The following ITPR2 variants were observed in gnomAD, a reference collection of about 807,000 sequenced individuals.
ITPR2 encodes the protein inositol 1,4,5-trisphosphate-gated calcium channel ITPR2.
In ITPR2, 207 loss-of-function variants were observed where a neutral mutation model predicts 317.1. The observed-to-expected ratio is 0.65, with a 90% confidence interval of 0.58 to 0.73. The LOEUF (loss-of-function observed/expected upper bound fraction) is 0.73, where lower values mean the gene tolerates loss of function less well. ITPR2 is among the 30% of genes least tolerant of loss of function. The pLI is 0.00. For missense variants in ITPR2, 2,613 were observed against 3,284.0 expected, an observed-to-expected ratio of 0.80 and a Z score of 4.99; for synonymous variants, 1,156 against 1,149.1, an observed-to-expected ratio of 1.01 and a Z score of -0.12.
At chr12:26,779,252 ATAAC>A (rs1227351864) in intron 2 of ITPR2, among the ~76,000 whole-genome samples, 3 of 152,328 alleles carry the variant, frequency 2.0e-5, no homozygotes, top group Admixed American at 2.0e-4. Context: ...TCTTCTGCAG[ATAAC>A]TACTCTCCTT....
intron 24 of ITPR2, among the ~76,000 whole-genome samples, 194 bp downstream of exon 24, chr12:26,624,105 T>C (rs1355218621): frequency 6.6e-6 from 1 of 152,194 alleles, no homozygotes; most frequent in African/African-American, 2.4e-5. Flanking sequence ...TCCTTTTTTT[T>C]ACCTGACCTA....
intron 1 of ITPR2, among the ~76,000 whole-genome samples, chr12:26,812,962 A>T (rs1462209472): frequency 6.6e-6 from 1 of 152,258 alleles, no homozygotes; most frequent in African/African-American, 2.4e-5. Flanking sequence ...CGTCTTCAAT[A>T]GTACAACATG....
chr12:26,682,453 G>T (rs930009791), intron 12 of ITPR2, 121 bp downstream of exon 12: 13 of 655,860 alleles, frequency 2.0e-5, no homozygotes, highest in Non-Finnish European at 3.4e-5. Context: ...GAAATTAATT[G>T]CAATGATCTG....
intron 31 of ITPR2, 139 bp downstream of exon 31, chr12:26,596,744 A>T (rs1945856957): frequency 1.7e-6 from 1 of 598,076 alleles, no homozygotes; most frequent in Non-Finnish European, 2.5e-6. Context: ...CATTTTCCAA[A>T]TTATATAGTT....
intron 39 of ITPR2, among the ~76,000 whole-genome samples, chr12:26,488,464 G>GT (rs1483956343): frequency 6.6e-6 from 1 of 151,984 alleles, no homozygotes; most frequent in African/African-American, 2.4e-5. Flanking sequence ...TCTTGAAATG[G>GT]TTGCCTACTC....
chr12:26,471,591 C>T (rs1392157987), intron 45 of ITPR2, among the ~76,000 whole-genome samples: 1 of 152,040 alleles, frequency 6.6e-6, no homozygotes, highest in Non-Finnish European at 1.5e-5. Flanking sequence ...CTTGTAACAC[C>T]AACCACAGGA....
chr12:26,775,251 AT>A (rs1949938742), intron 2 of ITPR2, among the ~76,000 whole-genome samples: 1 of 152,216 alleles, frequency 6.6e-6, no homozygotes. Flanking sequence ...AACTTTACAA[AT>A]TTCAAGATGT....
chr12:26,595,367 A>G, intron 32 of ITPR2, 98 bp downstream of exon 32: 5 of 1,130,280 alleles, frequency 4.4e-6, no homozygotes, highest in Middle Eastern at 2.0e-4. Context: ...CAACAAATCA[A>G]AAGGTAGTGA....
At chr12:26,567,123 A>T (rs1482315616) in intron 34 of ITPR2, among the ~76,000 whole-genome samples, 1 of 152,218 alleles carries the variant, frequency 6.6e-6, no homozygotes, top group African/African-American at 2.4e-5. Context: ...GCCCTTTAGG[A>T]ATCAGGTACA....
intron 49 of ITPR2, among the ~76,000 whole-genome samples, chr12:26,421,716 C>T (rs1940898515): frequency 8.1e-6 from 1 of 123,654 alleles, no homozygotes; most frequent in South Asian, 2.5e-4. Flanking sequence ...GGAAACTGGG[C>T]AAGATGGTCA....
At chr12:26,810,556 C>T (rs950707828) in intron 1 of ITPR2, among the ~76,000 whole-genome samples, 4 of 152,216 alleles carry the variant, frequency 2.6e-5, no homozygotes, top group African/African-American at 7.2e-5. Context: ...CCAGGGCTGT[C>T]GCTGGGCCAG....
chr12:26,784,523 T>C (rs1950174037), intron 2 of ITPR2, among the ~76,000 whole-genome samples: 1 of 151,252 alleles, frequency 6.6e-6, no homozygotes, highest in Non-Finnish European at 1.5e-5. Flanking sequence ...GGTTTTTTTT[T>C]GGTGGAGACG....
chr12:26,663,018 CT>C (rs1381520371), intron 15 of ITPR2, among the ~76,000 whole-genome samples: 1 of 152,126 alleles, frequency 6.6e-6, no homozygotes, highest in African/African-American at 2.4e-5. Flanking sequence ...TCACTTGCAA[CT>C]GGCAACTGTT....
At chr12:26,401,464 A>G (rs2136652723) in intron 52 of ITPR2, among the ~76,000 whole-genome samples, 1 of 152,310 alleles carries the variant, frequency 6.6e-6, no homozygotes, top group South Asian at 2.1e-4. Context: ...TGACAGAAAA[A>G]TTCCTATTCT....
chr12:26,726,491 G>T lies in ITPR2; in HGVS notation c.164-726C>A, dbSNP rs532104539. Reference sequence around the variant, plus strand: ...AATGATTTTGTATGCTTGTGGAATAGATTACAATCTAGAATAAAGGTAAAT... The same window carrying T: ...AATGATTTTGTATGCTTGTGGAATATATTACAATCTAGAATAAAGGTAAAT... On this transcript the variant is annotated intron_variant, in intron 2 of 56. Coordinates refer to ENST00000381340, the MANE Select transcript of ITPR2 (RefSeq NM_002223.4). Among the ~76,000 whole-genome samples, 195 of 152,264 alleles carry T rather than the reference G, an allele frequency of 1.3e-3. 1 individual carries two copies. The highest frequency in any genetic ancestry group is 4.5e-3 in the African/African-American group (188 of 41,572).
chr12:26,829,936 C>T (rs545194964), intron 1 of ITPR2, among the ~76,000 whole-genome samples: 1 of 152,324 alleles, frequency 6.6e-6, no homozygotes, highest in African/African-American at 2.4e-5. Flanking sequence ...CAGAGTCTCG[C>T]TCTGTCCCCC....
intron 10 of ITPR2, among the ~76,000 whole-genome samples, chr12:26,690,498 C>T (rs1323591625): frequency 6.6e-6 from 1 of 152,152 alleles, no homozygotes; most frequent in Non-Finnish European, 1.5e-5. Context: ...CCAATTGAGC[C>T]AAATATTTAG....
chr12:26,708,669 GGAGTAA>G (rs1271977910), intron 9 of ITPR2, among the ~76,000 whole-genome samples: 1 of 152,088 alleles, frequency 6.6e-6, no homozygotes, highest in Non-Finnish European at 1.5e-5. Context: ...TTCGACAGAA[GGAGTAA>G]GATCTAGAAT....
intron 2 of ITPR2, among the ~76,000 whole-genome samples, chr12:26,768,571 TAAAA>T (rs879291062): frequency 1.0e-5 from 1 of 96,188 alleles, no homozygotes; most frequent in East Asian, 4.3e-4. Flanking sequence ...CAAATATATA[TAAAA>T]AAAAAAAAAA....
Sources: gnomAD v4.1 joint callset for allele counts (sites outside exome capture counted in the v4.1 genomes callset) on GRCh38, gnomAD v4.1.1 for gene constraint, MANE v1.5 for transcripts, NCBI Gene and HGNC (gene_info 2026-07-23, HGNC 2026-07-21) for gene names.